The following HEATR4 variants were observed in gnomAD, a reference collection of about 807,000 sequenced individuals.
The protein encoded by HEATR4 is HEAT repeat containing 4.
HEATR4 carries 95 observed loss-of-function variants against 108.8 expected under a neutral mutation model. The ratio of observed to expected loss-of-function variants is 0.87; its 90% CI spans 0.74 to 1.04. HEATR4 has a LOEUF of 1.04. Among genes scored for constraint, HEATR4 ranks in the 50% least tolerant of loss-of-function variants. The pLI is 0.00. For missense variants in HEATR4, 1,152 were observed against 1,253.8 expected, an observed-to-expected ratio of 0.92 and a Z score of 1.23; for synonymous variants, 443 against 459.4, an observed-to-expected ratio of 0.96 and a Z score of 0.46.
At chr14:73,567,920 C>T in the HEATR4 span, 3 of 152,120 alleles carry the variant, frequency 2.0e-5, no homozygotes, top group African/African-American at 4.8e-5. Flanking sequence ...CCGGACGCAT[C>T]TGAACATCAG....
the HEATR4 span, chr14:73,595,033 T>C: frequency 6.2e-7 from 1 of 1,611,684 alleles, no homozygotes; most frequent in Non-Finnish European, 8.5e-7. Context: ...AACTCTCCTC[T>C]CTTCTTTTCT....
chr14:73,560,715 G>T (rs1889519262), upstream of HEATR4, among the ~76,000 whole-genome samples: 1 of 151,540 alleles, frequency 6.6e-6, no homozygotes, highest in African/African-American at 2.4e-5. Context: ...TTATAACCCT[G>T]CTAAGGCAGG....
intron 7 of HEATR4, among the ~76,000 whole-genome samples, chr14:73,511,564 TA>T (rs796923021): frequency 0.027 from 3,215 of 119,118 alleles, 47 homozygotes; most frequent in Middle Eastern, 0.06. Flanking sequence ...AATAAATAAA[TA>T]AAATAAAATA....
chr14:73,571,159 C>G, the HEATR4 span: 1 of 151,702 alleles, frequency 6.6e-6, no homozygotes, highest in South Asian at 2.1e-4. Flanking sequence ...CCTAGCTCCC[C>G]GCTGGCTGGC....
rs990781251 is a variant in HEATR4 at position 73,514,249 on chromosome 14, A to G, written c.1211-15T>C. On this transcript the variant is annotated splice_polypyrimidine_tract_variant and intron_variant, in intron 5 of 17. Coordinates refer to ENST00000553558, the MANE Select transcript of HEATR4 (RefSeq NM_001220484.1). ...AGGTCTGTAAGCTGTGCAACGTGGC[A>G]GTGTGAGGTCTTTTCACCCCACTGC... 8.3e-5 allele frequency: 134 copies of G among 1,610,818 alleles called. 2 individuals are homozygous for G. In the East Asian group the frequency reaches 3.0e-3, roughly 36 times the overall value.
chr14:73,605,556 CTTTTTTTTTTTTTTTT>C, the HEATR4 span, among the ~76,000 whole-genome samples: 14 of 56,884 alleles, frequency 2.5e-4, no homozygotes, highest in Admixed American at 3.8e-3. Context: ...CTGTAAGATT[CTTTTTTTTTTTTTTTT>C]TTTTTTTTTT....
the HEATR4 span, among the ~76,000 whole-genome samples, chr14:73,573,134 G>A: frequency 6.6e-6 from 1 of 151,620 alleles, no homozygotes; most frequent in Non-Finnish European, 1.5e-5. Context: ...TTTGTTTCTT[G>A]GTGGTGCACC....
the HEATR4 span, among the ~76,000 whole-genome samples, chr14:73,584,499 T>C: frequency 6.7e-6 from 1 of 149,990 alleles, no homozygotes; most frequent in Non-Finnish European, 1.5e-5. Flanking sequence ...GAGGGTCTCC[T>C]CCCATCTCCT....
chr14:73,522,422 C>A lies in HEATR4; in HGVS notation c.731G>T (p.Ser244Ile), dbSNP rs1019048817. ...QSFLRQQYDW[S>I]HIRDELTSAS... ...AGAGGTAAGCTCATCCCGAATGTGA[C>A]TCCAGTCGTACTGCTGGCGCAGGAA... Residue 244 changes from serine (S) to isoleucine (I), a missense_variant, in exon 3 of 18, where the codon AGT (serine) becomes ATT (isoleucine). Transcript: ENST00000553558. The A allele has an allele frequency of 8.1e-6, 13 of 1,614,146 alleles. No individual in the cohort carries two copies. The highest frequency in any genetic ancestry group is 2.2e-5 in the East Asian group (1 of 44,900).
chr14:73,511,537 AAAT>A (rs1887255480), intron 7 of HEATR4, among the ~76,000 whole-genome samples: 1 of 122,660 alleles, frequency 8.2e-6, no homozygotes, highest in Admixed American at 7.9e-5. Context: ...ATAAATAAAT[AAAT>A]AAATAAATAA....
chr14:73,595,236 A>G, the HEATR4 span: 1 of 1,614,202 alleles, frequency 6.2e-7, no homozygotes, highest in South Asian at 1.1e-5. Context: ...AGGAGAATCA[A>G]GGTAGCTTTC....
chr14:73,500,043 C>T (rs1029467250), intron 12 of HEATR4, among the ~76,000 whole-genome samples: 1 of 152,196 alleles, frequency 6.6e-6, no homozygotes, highest in African/African-American at 2.4e-5. Context: ...TCCTGGCTAA[C>T]ACGGTGAAAC....
the HEATR4 span, among the ~76,000 whole-genome samples, chr14:73,590,988 C>T: frequency 3.3e-5 from 5 of 152,250 alleles, no homozygotes; most frequent in Admixed American, 2.0e-4. Flanking sequence ...TGTCACGTAT[C>T]ACTAGCACTT....
At chr14:73,521,305 G>A (rs1887964137) in intron 3 of HEATR4, among the ~76,000 whole-genome samples, 2 of 152,256 alleles carry the variant, frequency 1.3e-5, no homozygotes, top group Middle Eastern at 3.4e-3. Flanking sequence ...GGGCAGAGTG[G>A]CGGTGCTCCA....
intron 1 of HEATR4, chr14:73,537,843 C>G (rs199627073): frequency 2.5e-6 from 3 of 1,198,172 alleles, no homozygotes; most frequent in African/African-American, 1.6e-5. Flanking sequence ...CCGGTGCGCG[C>G]GGGCCGGGTG....
rs562078823 is a variant in HEATR4, at chr14:73,504,106, T to C, written c.1987-1093A>G. Among the ~76,000 whole-genome samples, 29 of 150,794 alleles carry C rather than the reference T, an allele frequency of 1.9e-4. No individual in the cohort carries two copies. In the South Asian group the frequency reaches 6.1e-3, roughly 32 times the overall value. On this transcript the variant is annotated intron_variant, in intron 10 of 17. Transcript: ENST00000553558. The stretch of plus-strand genomic sequence containing the variant: ...TTTTTTTTTTTTTTGAGACGGAGTT[T>C]CACTCTTGTTGCCCAGGCTGGAGTG...
At chr14:73,581,639 A>G in the HEATR4 span, 1 of 138,978 alleles carries the variant, frequency 7.2e-6, no homozygotes, top group African/African-American at 2.7e-5. Context: ...CCAAGGAAGT[A>G]GAGAACATTC....
the HEATR4 span, among the ~76,000 whole-genome samples, chr14:73,608,855 T>C: frequency 6.6e-5 from 10 of 152,272 alleles, no homozygotes; most frequent in Middle Eastern, 3.4e-3. Context: ...CTTACAATCA[T>C]GGCAGAAGGG....
At chr14:73,513,728 CAAAAAAAAA>C (rs747778891) in intron 6 of HEATR4, among the ~76,000 whole-genome samples, 2 of 46,758 alleles carry the variant, frequency 4.3e-5, no homozygotes, top group Admixed American at 3.9e-4. Flanking sequence ...ACTACGTCTC[CAAAAAAAAA>C]AAAAAAAAAA....
Sources: gnomAD v4.1 joint callset for allele counts (sites outside exome capture counted in the v4.1 genomes callset) on GRCh38, gnomAD v4.1.1 for gene constraint, MANE v1.5 for transcripts, NCBI Gene and HGNC (gene_info 2026-07-23, HGNC 2026-07-21) for gene names.